OR4F16: variants seen among roughly 807,000 people sequenced by gnomAD.
OR4F16 encodes olfactory receptor 4F3/4F16/4F29.
At chr1:702,093 C>A in the OR4F16 span, 1 of 144,236 alleles carries the variant, frequency 6.9e-6, no homozygotes, top group African/African-American at 2.6e-5. Flanking sequence ...CACCTGTAAT[C>A]CCAGCACTTT....
upstream of OR4F16, among the ~76,000 whole-genome samples, chr1:690,875 T>C (rs369246581): frequency 3.4e-5 from 5 of 148,352 alleles, no homozygotes; most frequent in South Asian, 6.3e-4. Flanking sequence ...TAATTTATTA[T>C]ATATTCTAAA....
At chr1:701,794 A>G in the OR4F16 span, 1 of 151,204 alleles carries the variant, frequency 6.6e-6, no homozygotes, top group Non-Finnish European at 1.5e-5. Context: ...GAAAAGGAAG[A>G]GAAGCAGAAA....
At chr1:709,985 CA>C in the OR4F16 span, among the ~76,000 whole-genome samples, 1 of 149,218 alleles carries the variant, frequency 6.7e-6, no homozygotes, top group Non-Finnish European at 1.5e-5. Context: ...AGAATATATA[CA>C]ATATGGTTAC....
chr1:676,767 C>T, the OR4F16 span, among the ~76,000 whole-genome samples: 66 of 121,626 alleles, frequency 5.4e-4, 14 homozygotes, highest in Non-Finnish European at 9.3e-4. Flanking sequence ...GGGGAAAGGG[C>T]GCCTGTGGGC....
chr1:701,779 G>A, the OR4F16 span, among the ~76,000 whole-genome samples: 1 of 150,736 alleles, frequency 6.6e-6, no homozygotes, highest in Non-Finnish European at 1.5e-5. Flanking sequence ...GAGGGTGGAG[G>A]GTGAGAAAAG....
chr1:676,730 C>T, the OR4F16 span, among the ~76,000 whole-genome samples: 2 of 119,366 alleles, frequency 1.7e-5, 1 homozygote, highest in Non-Finnish European at 3.2e-5. Flanking sequence ...TAGATAAAAC[C>T]CCCATCTCCC....
At chr1:691,074 A>G (rs1229815040), upstream of OR4F16, among the ~76,000 whole-genome samples, 2 of 149,874 alleles carry the variant, frequency 1.3e-5, no homozygotes, top group African/African-American at 2.5e-5. Context: ...CCAAAAGAAT[A>G]GAAATCAAAA....
At chr1:715,783 G>T in the OR4F16 span, among the ~76,000 whole-genome samples, 18 of 148,248 alleles carry the variant, frequency 1.2e-4, no homozygotes, top group Admixed American at 1.1e-3. Flanking sequence ...AATGAGCTGT[G>T]ATTGCACCAC....
chr1:690,892 A>G (rs1643052107), upstream of OR4F16, among the ~76,000 whole-genome samples: 1 of 148,210 alleles, frequency 6.7e-6, no homozygotes. Context: ...TAAAATAGCT[A>G]GCAGAGAAAA....
the OR4F16 span, among the ~76,000 whole-genome samples, chr1:710,257 TTAAA>T: frequency 4.9e-3 from 653 of 132,158 alleles, 1 homozygote; most frequent in African/African-American, 0.016. Flanking sequence ...TTTTGCATAA[TTAAA>T]TATTATGCAA....
At chr1:679,908 C>A in the OR4F16 span, among the ~76,000 whole-genome samples, 19 of 122,278 alleles carry the variant, frequency 1.6e-4, no homozygotes, top group East Asian at 5.0e-4. Context: ...AGAGACACAA[C>A]AAAAAAAAAG....
the OR4F16 span, among the ~76,000 whole-genome samples, chr1:712,621 TA>T: frequency 6.8e-6 from 1 of 147,724 alleles, no homozygotes; most frequent in Non-Finnish European, 1.5e-5. Context: ...AATCCTTTAA[TA>T]AAAATATAAA....
At chr1:715,777 A>G in the OR4F16 span, among the ~76,000 whole-genome samples, 3 of 148,188 alleles carry the variant, frequency 2.0e-5, no homozygotes, top group African/African-American at 7.7e-5. Flanking sequence ...GGCTGCAATG[A>G]GCTGTGATTG....
At chr1:676,741 T>C in the OR4F16 span, among the ~76,000 whole-genome samples, 1 of 120,590 alleles carries the variant, frequency 8.3e-6, no homozygotes, top group Non-Finnish European at 1.6e-5. Flanking sequence ...CCCATCTCCC[T>C]GGAACAGACC....
chr1:715,745 T>C, the OR4F16 span, among the ~76,000 whole-genome samples: 1 of 135,060 alleles, frequency 7.4e-6, no homozygotes, highest in African/African-American at 2.9e-5. Context: ...GGTGGAAGAA[T>C]AGCTTGAGTC....
the OR4F16 span, among the ~76,000 whole-genome samples, chr1:676,757 G>T: frequency 8.2e-6 from 1 of 121,564 alleles, no homozygotes; most frequent in Non-Finnish European, 1.6e-5. Flanking sequence ...AGACCACCTA[G>T]GGGAAAGGGC....
chr1:715,686 G>C, the OR4F16 span, among the ~76,000 whole-genome samples: 1 of 79,022 alleles, frequency 1.3e-5, no homozygotes, highest in Non-Finnish European at 2.3e-5. Flanking sequence ...ACAAAAATTA[G>C]CCAAGTTTGG....
chr1:700,592 AC>A, the OR4F16 span, among the ~76,000 whole-genome samples: 1 of 16,856 alleles, frequency 5.9e-5, no homozygotes, highest in Non-Finnish European at 1.8e-4. Flanking sequence ...CTTATTCAAG[AC>A]CACGAGAACA....
chr1:715,817 G>GT, the OR4F16 span, among the ~76,000 whole-genome samples: 2 of 150,636 alleles, frequency 1.3e-5, no homozygotes, highest in Admixed American at 1.3e-4. Flanking sequence ...GGGTGGTAGA[G>GT]TAAGACCCTG....
Sources: allele counts gnomAD v4.1 joint callset (sites outside exome capture counted in the v4.1 genomes callset), GRCh38; gene constraint gnomAD v4.1.1; transcripts MANE v1.5; gene names NCBI Gene and HGNC (gene_info 2026-07-23, HGNC 2026-07-21).